Variants in KMT2C observed in about 807,000 individuals in gnomAD.
KMT2C encodes histone-lysine N-methyltransferase 2C.
In KMT2C, 88 loss-of-function variants were observed where a neutral mutation model predicts 507.9. The observed-to-expected ratio is 0.17, with a 90% CI of 0.15 to 0.21. The LOEUF is 0.21. Ranked by LOEUF, KMT2C falls within the 10% of genes least tolerant of loss-of-function variation. The probability of loss-of-function intolerance (pLI) is 1.00; values close to 1 mark genes in which losing one functional copy is unlikely to be tolerated. For synonymous variants in KMT2C, 2,049 were observed against 2,080.8 expected, an observed-to-expected ratio of 0.98 and a Z score of 0.42; for missense variants, 4,954 against 5,957.8, an observed-to-expected ratio of 0.83 and a Z score of 5.55.
intron 55 of KMT2C, among the ~76,000 whole-genome samples, chr7:152,142,641 T>C (rs904264660): frequency 2.6e-5 from 4 of 152,210 alleles, no homozygotes; most frequent in African/African-American, 4.8e-5. Flanking sequence ...GTACAAGATA[T>C]AGCAACACTG....
At chr7:152,429,876 T>TA (rs758000790) in intron 1 of KMT2C, among the ~76,000 whole-genome samples, 2 of 150,772 alleles carry the variant, frequency 1.3e-5, no homozygotes, top group Non-Finnish European at 3.0e-5. Flanking sequence ...ATAGCTATAA[T>TA]AAAAAAAGAA....
intron 2 of KMT2C, among the ~76,000 whole-genome samples, chr7:152,352,894 C>G (rs1263877670): frequency 6.6e-6 from 1 of 152,092 alleles, no homozygotes; most frequent in Non-Finnish European, 1.5e-5. Context: ...ACAAGGGGCT[C>G]CCATGAGCCA....
chr7:152,257,427 C>G (rs184880918), intron 9 of KMT2C, among the ~76,000 whole-genome samples: 2 of 152,226 alleles, frequency 1.3e-5, no homozygotes, highest in South Asian at 2.1e-4. Flanking sequence ...AGTGACAATT[C>G]TGAGTAAAAC....
At chr7:152,393,585 G>A (rs1372626758) in intron 1 of KMT2C, among the ~76,000 whole-genome samples, 1 of 152,124 alleles carries the variant, frequency 6.6e-6, no homozygotes, top group South Asian at 2.1e-4. Flanking sequence ...TCTAGGACAT[G>A]GATGGATACC....
Position 152,311,801 on chromosome 7 carries a change from T to C in KMT2C, c.736A>G (p.Thr246Ala), listed in dbSNP as rs142169871. ...ATTATTGAAAACATGCCCATACCTG[T>C]AGAATCAAATAAGGCTTGGATATCA... is the stretch of plus-strand genomic sequence containing the variant. ...AIDIQALFDS[T>A]GTCWAHHRCV... Residue 246 changes from threonine (T) to alanine (A), a missense_variant, in exon 5 of 59, where the codon ACA becomes GCA. By Grantham distance (58) the Thr-to-Ala change is moderately conservative. Transcript: ENST00000262189. The C allele has an allele frequency of 1.6e-5, 25 of 1,606,336 alleles. No individual in the cohort carries two copies. The highest frequency in any genetic ancestry group is 2.0e-5 in the Non-Finnish European group (24 of 1,174,840).
At position 152,182,026 on chromosome 7, in the gene KMT2C, C is replaced by T. The variant is rs1342962740; in HGVS notation, c.5834G>A (p.Arg1945Lys). The T allele has an allele frequency of 3.1e-6, 5 of 1,614,094 alleles. No individual in the cohort carries two copies. Among genetic ancestry groups the T allele is most frequent in the Non-Finnish European group, 3.4e-6 (4 of 1,179,994 alleles). Residue 1945 changes from arginine to lysine, a missense_variant, in exon 36 of 59, where the codon AGG becomes AAG. Physicochemically the swap from Arg to Lys is conservative, Grantham distance 26 (BLOSUM62 2). Around this residue, in one of 29 missense-constraint regions of KMT2C, gnomAD observed 1,689 missense variants for 1,654.3 expected, o/e 1.02. Transcript: ENST00000262189. ...PLQMNETTAN[R>K]PSPVRDLCSS... ...ACATAAATCTCTGACAGGGGATGGCCTATTTGCTGTTGTCTCATTCATTTG... is the reference window on the plus strand; with the variant it reads ...ACATAAATCTCTGACAGGGGATGGCTTATTTGCTGTTGTCTCATTCATTTG...
At position 152,177,904 on chromosome 7, in the gene KMT2C, ATCT is replaced by A. The variant is rs766092762; in HGVS notation, c.7546_7548del (p.Arg2516del). 1.2e-6 allele frequency: 2 copies of A among 1,611,056 alleles called. No individual in the cohort carries two copies. Among genetic ancestry groups the A allele is most frequent in the Admixed American group, 1.7e-5 (1 of 59,550 alleles). On this transcript the variant is annotated inframe_deletion, in exon 38 of 59. Coordinates refer to ENST00000262189, the MANE Select transcript of KMT2C (RefSeq NM_170606.3). ...GGCCTAGGCATATCTACAGATACTG[ATCT>A]TCTTAGCTGTGGAGAAACTCCAGAT...
chr7:152,377,413 A>G (rs549555099), intron 1 of KMT2C, among the ~76,000 whole-genome samples: 3 of 152,270 alleles, frequency 2.0e-5, no homozygotes, highest in South Asian at 2.1e-4. Flanking sequence ...TCAATGAGTA[A>G]TTTCAATTTT....
At chr7:152,267,452 C>T (rs2095876262) in intron 7 of KMT2C, among the ~76,000 whole-genome samples, 1 of 152,210 alleles carries the variant, frequency 6.6e-6, no homozygotes, top group African/African-American at 2.4e-5. Context: ...CCAACACATC[C>T]AGCCAGATCC....
chr7:152,327,772 C>T (rs994550704), intron 3 of KMT2C, among the ~76,000 whole-genome samples: 43 of 152,028 alleles, frequency 2.8e-4, no homozygotes, highest in Non-Finnish European at 4.0e-4. Context: ...TCCTGGCTAA[C>T]ACATTGAAAC....
At chr7:152,205,003 T>C in intron 25 of KMT2C, 103 bp downstream of exon 25, 1 of 675,764 alleles carries the variant, frequency 1.5e-6, no homozygotes. Context: ...GCAATAAGGC[T>C]CTTATTGACT....
intron 41 of KMT2C, among the ~76,000 whole-genome samples, chr7:152,167,664 CTTTT>C (rs917169860): frequency 6.6e-6 from 1 of 151,276 alleles, no homozygotes; most frequent in African/African-American, 2.4e-5. Flanking sequence ...TAATGAAATT[CTTTT>C]TTTTTACTAA....
At position 152,180,864 on chromosome 7, in the gene KMT2C, C is replaced by G. The variant is rs1277145735; in HGVS notation, c.6996G>C (p.Gly2332=). 4 of 1,614,150 alleles carry G rather than the reference C, an allele frequency of 2.5e-6. No homozygotes were observed. The highest frequency in any genetic ancestry group is 2.5e-6 in the Non-Finnish European group (3 of 1,180,034). The change falls in exon 36 of 59, where the codon GGG becomes GGC. Residue 2332 remains glycine (G), a synonymous_variant. Coordinates refer to ENST00000262189, the MANE Select transcript of KMT2C (RefSeq NM_170606.3). ...GAGAGTTTGAAGATGCACAGAAGCT[C>G]CCCTCTGATCCAGGCCTTGGCTGAT... ...VADQPRPGSE[G]SFCASSNSPM...
chr7:152,373,768 TAGAA>T (rs748858294), intron 1 of KMT2C, among the ~76,000 whole-genome samples: 32 of 152,252 alleles, frequency 2.1e-4, no homozygotes, highest in Middle Eastern at 6.8e-3. Context: ...TCTACTGTAA[TAGAA>T]AGAGATATCA....
rs2091895270 is a variant in KMT2C at position 152,154,457 on chromosome 7, T to TA, written c.11961-13dup. The TA allele has an allele frequency of 6.2e-7, 1 of 1,609,720 alleles. No individual in the cohort carries two copies. Among genetic ancestry groups the TA allele is most frequent in the African/African-American group, 1.3e-5 (1 of 74,848 alleles). ...AGTGATCCTGTATCCTGAAAAAACA[T>TA]AAACACACACATCAAAGTCTGCAAA... On this transcript the variant is annotated splice_polypyrimidine_tract_variant and intron_variant, in intron 46 of 58. Transcript: ENST00000262189.
intron 7 of KMT2C, among the ~76,000 whole-genome samples, chr7:152,266,798 T>C (rs2095865252): frequency 6.6e-6 from 1 of 152,304 alleles, no homozygotes; most frequent in Non-Finnish European, 1.5e-5. Context: ...AATTCCTCGC[T>C]TGAGGGCAGT....
intron 58 of KMT2C, 134 bp from the exon 59 acceptor site, chr7:152,137,058 T>G: frequency 4.4e-6 from 3 of 678,004 alleles, no homozygotes; most frequent in Non-Finnish European, 7.7e-6. Flanking sequence ...TTATTGAGGT[T>G]CCATGGGACC....
chr7:152,368,075 C>A, intron 1 of KMT2C: 1 of 884,940 alleles, frequency 1.1e-6, no homozygotes, highest in Non-Finnish European at 1.9e-6. Flanking sequence ...AGGTAAAGGA[C>A]TGTTTACCTC....
chr7:152,226,363 A>C (rs560297500), intron 18 of KMT2C, among the ~76,000 whole-genome samples: 1 of 151,572 alleles, frequency 6.6e-6, no homozygotes, highest in South Asian at 2.1e-4. Context: ...CTCCTGAGTA[A>C]CTAGGACTAC....
Sources: gnomAD v4.1 joint callset for allele counts (sites outside exome capture counted in the v4.1 genomes callset) on GRCh38, gnomAD v4.1.1 for gene constraint, gnomAD v4.1.1 regional missense constraint, MANE v1.5 for transcripts, NCBI Gene and HGNC (gene_info 2026-07-23, HGNC 2026-07-21) for gene names.